LRRC9: variants seen among roughly 807,000 people sequenced by gnomAD.
The protein encoded by LRRC9 is leucine-rich repeat-containing protein 9.
In LRRC9, 122 loss-of-function variants were observed where a neutral mutation model predicts 63.2. The ratio of observed to expected loss-of-function variants is 1.93; its 90% CI spans 1.67 to 2.24. The LOEUF is 2.24. LRRC9 is among the 30% of genes most tolerant of loss of function. The pLI is 0.00. For synonymous variants in LRRC9, 366 were observed against 213.1 expected (o/e 1.72, Z -6.25); for missense variants, 1,071 against 627.7 (o/e 1.71, Z -7.55).
intron 21 of LRRC9, among the ~76,000 whole-genome samples, chr14:60,005,305 T>C (rs1404712436): frequency 6.6e-6 from 1 of 152,088 alleles, no homozygotes; most frequent in African/African-American, 2.4e-5. Context: ...GGCACCTGTG[T>C]CTTGACCTAT....
rs1891678046 is a variant in LRRC9, at chr14:60,027,840, G to T, written c.3704-44G>T. On this transcript the variant is annotated intron_variant, in intron 27 of 31. Coordinates refer to ENST00000445360, the Ensembl canonical transcript of LRRC9. This position sits in a 1 kb window ranked among gnomAD's most constrained non-coding sequence, Gnocchi z 4.0. ...TGTAAGTAGATATCCTTTACTTCAG[G>T]AAGTTTGGGCTCACTTGATATATCA... 1.6e-6 allele frequency: 1 copy of T among 607,406 alleles called. No homozygotes were observed. The highest frequency in any genetic ancestry group is 2.9e-6 in the Non-Finnish European group (1 of 339,012). The allele number at this position is 607,406 out of a possible 1,614,324, so 37.6% of individuals were successfully genotyped here. A position where few individuals can be genotyped will look rare whatever the true frequency, so the allele number is the denominator to read the frequency against.
intron 19 of LRRC9, 32 bp from the exon 20 acceptor site, chr14:60,001,934 C>CT: frequency 1.6e-6 from 1 of 623,580 alleles, no homozygotes; most frequent in Non-Finnish European, 2.9e-6. Context: ...ATACTGTTTC[C>CT]TTTTTTCACT....
At chr14:60,000,045 G>A (rs1889201836) in intron 19 of LRRC9, among the ~76,000 whole-genome samples, 1 of 151,912 alleles carries the variant, frequency 6.6e-6, no homozygotes, top group Non-Finnish European at 1.5e-5. Context: ...ATCAACCTAG[G>A]TGCCCATCAG....
At chr14:60,059,101 C>T (rs1417560981) in intron 31 of LRRC9, 1 of 152,126 alleles carries the variant, frequency 6.6e-6, no homozygotes, top group Non-Finnish European at 1.5e-5. Context: ...TTCTCAGATA[C>T]TAACTTCCTT....
chr14:59,974,642 G>GA lies in LRRC9; in HGVS notation c.1575dup (p.Phe526IlefsTer9). On this transcript the variant is annotated frameshift_variant, in exon 13 of 32. Coordinates refer to ENST00000445360, the Ensembl canonical transcript of LRRC9. LOFTEE classifies it high-confidence loss of function. ...AAGTATAAGTGAGTGTCCCAGAATTGAATTTTTACAGCAAAAGCACAAAGA... is the reference window on the plus strand; with the variant it reads ...AAGTATAAGTGAGTGTCCCAGAATTGAAATTTTTACAGCAAAAGCACAAAGA... 1 of 692,212 alleles carries GA rather than the reference G, an allele frequency of 1.4e-6. No homozygotes were observed. Among genetic ancestry groups the GA allele is most frequent in the South Asian group, 1.5e-5 (1 of 65,886 alleles). The allele number at this position is 692,212 out of a possible 1,614,324, so 42.9% of individuals were successfully genotyped here. A position where few individuals can be genotyped will look rare whatever the true frequency, so the allele number is the denominator to read the frequency against.
At chr14:59,992,529 C>T (rs567744027) in intron 17 of LRRC9, among the ~76,000 whole-genome samples, 30 of 151,942 alleles carry the variant, frequency 2.0e-4, no homozygotes, top group African/African-American at 4.3e-4. Context: ...GGAGGAAGTT[C>T]GAACCAATGG....
chr14:60,026,396 A>G (rs537227645), intron 27 of LRRC9, among the ~76,000 whole-genome samples: 55 of 151,996 alleles, frequency 3.6e-4, no homozygotes, highest in Non-Finnish European at 6.8e-4. Flanking sequence ...GACCATTTGT[A>G]TTTCTTCTTT....
chr14:60,046,548 G>A (rs1893437745), intron 29 of LRRC9, among the ~76,000 whole-genome samples: 5 of 152,098 alleles, frequency 3.3e-5, no homozygotes, highest in Admixed American at 3.3e-4. Flanking sequence ...CCCATTGCTT[G>A]TTTTTGTTGG....
chr14:59,945,479 A>G (rs2139864804), intron 8 of LRRC9, among the ~76,000 whole-genome samples: 1 of 152,126 alleles, frequency 6.6e-6, no homozygotes, highest in East Asian at 1.9e-4. Context: ...AAAGAATTAA[A>G]TGTAAAAATG....
chr14:60,012,761 T>C (rs1595023523), intron 23 of LRRC9, among the ~76,000 whole-genome samples: 1 of 152,142 alleles, frequency 6.6e-6, no homozygotes, highest in African/African-American at 2.4e-5. Context: ...AAGCTATTGT[T>C]CCCAAAGGCT....
chr14:59,990,328 T>C lies in LRRC9; in HGVS notation c.2211+5104T>C, dbSNP rs75445056. Among the ~76,000 whole-genome samples, 513 of 152,244 alleles carry C rather than the reference T, an allele frequency of 3.4e-3. 18 individuals are homozygous for C. In the East Asian group the frequency reaches 0.058, roughly 17 times the overall value. ...GAGAAGGATTCTGTCTTGAAGAGAGTCCTAGTGGAATAGTTTTTAGATTCA... is the reference window on the plus strand; with the variant it reads ...GAGAAGGATTCTGTCTTGAAGAGAGCCCTAGTGGAATAGTTTTTAGATTCA... On this transcript the variant is annotated intron_variant, in intron 17 of 31. Coordinates refer to ENST00000445360, the Ensembl canonical transcript of LRRC9. The surrounding 1 kb of genome is among the most constrained non-coding windows in gnomAD (Gnocchi z 4.2).
rs79388746 is a variant in LRRC9, at chr14:60,053,301, C to A, written c.4131+96C>A. On this transcript the variant is annotated intron_variant, in intron 30 of 31. Transcript: ENST00000445360. This position sits in a 1 kb window ranked among gnomAD's most constrained non-coding sequence, Gnocchi z 4.8. ...TTGATTTAAATGTTTAAACCTATGGCGTTTTTGATAAGGATGATCTTAGTA... is the reference window on the plus strand; with the variant it reads ...TTGATTTAAATGTTTAAACCTATGGAGTTTTTGATAAGGATGATCTTAGTA... 0.011 allele frequency: 6,071 copies of A among 573,486 alleles called. 146 individuals carry two copies. Among genetic ancestry groups the A allele is most frequent in the African/African-American group, 0.073 (3,874 of 52,898 alleles). The allele number at this position is 573,486 out of a possible 1,614,324, so 35.5% of individuals were successfully genotyped here. A position where few individuals can be genotyped will look rare whatever the true frequency, so the allele number is the denominator to read the frequency against.
chr14:59,997,789 T>A lies in LRRC9; in HGVS notation c.2345T>A (p.Leu782Ter). The A allele has an allele frequency of 1.4e-6, 1 of 702,246 alleles. No homozygotes were observed. The highest frequency in any genetic ancestry group is 1.7e-5 in the African/African-American group (1 of 57,340). The allele number at this position is 702,246 out of a possible 1,614,324, so 43.5% of individuals were successfully genotyped here. A position where few individuals can be genotyped will look rare whatever the true frequency, so the allele number is the denominator to read the frequency against. ...AAATCTGGCAATGAAATAAATATGT[T>A]ATGCAAACACACCACAAGCCTTCTC... The change falls in exon 18 of 32, where the codon TTA becomes TAA. Residue 782 changes from leucine to a stop codon, truncating the protein, a stop_gained. Transcript: ENST00000445360. LOFTEE classifies it high-confidence loss of function.
intron 29 of LRRC9, among the ~76,000 whole-genome samples, chr14:60,032,532 T>A (rs1892077058): frequency 6.6e-6 from 1 of 152,188 alleles, no homozygotes; most frequent in Non-Finnish European, 1.5e-5. Flanking sequence ...TGGAATGACA[T>A]TCAATTTATA....
intron 8 of LRRC9, among the ~76,000 whole-genome samples, chr14:59,952,922 T>C (rs934663039): frequency 5.3e-5 from 8 of 152,166 alleles, no homozygotes; most frequent in African/African-American, 1.9e-4. Flanking sequence ...GGTTTTCTGT[T>C]CCTGTGTTAG....
intron 23 of LRRC9, among the ~76,000 whole-genome samples, chr14:60,011,806 TATG>T (rs2140249129): frequency 1.3e-5 from 2 of 152,292 alleles, no homozygotes; most frequent in South Asian, 4.1e-4. Flanking sequence ...CATAACAGAA[TATG>T]AATATAGGAA....
rs757379237 is a variant in LRRC9 at position 60,017,429 on chromosome 14, T to G, written c.3317+639T>G. ...CAAATACCTATAACTCCTCCAAATA[T>G]CATCTCAAGATGTTTCTCCTCCATG... On this transcript the variant is annotated intron_variant, in intron 24 of 31. Coordinates refer to ENST00000445360, the Ensembl canonical transcript of LRRC9. The surrounding 1 kb of genome is among the most constrained non-coding windows in gnomAD (Gnocchi z 4.0). Among the ~76,000 whole-genome samples, 1 of 152,100 alleles carries G rather than the reference T, an allele frequency of 6.6e-6. No homozygotes were observed. Among genetic ancestry groups the G allele is most frequent in the Non-Finnish European group, 1.5e-5 (1 of 68,004 alleles).
intron 6 of LRRC9, among the ~76,000 whole-genome samples, chr14:59,934,843 CT>C: frequency 1.3e-5 from 2 of 152,128 alleles, no homozygotes; most frequent in South Asian, 4.2e-4. Context: ...TAAAAGAGCT[CT>C]TTTAAATCAA....
At chr14:60,022,673 T>G (rs970551388) in intron 26 of LRRC9, 61 bp from the exon 27 acceptor site, 1 of 490,112 alleles carries the variant, frequency 2.0e-6, no homozygotes, top group African/African-American at 2.0e-5. Flanking sequence ...TGAACTGTCT[T>G]TTTATAATAT....
Sources: allele counts gnomAD v4.1 joint callset (sites outside exome capture counted in the v4.1 genomes callset), GRCh38; gene constraint gnomAD v4.1.1; non-coding constraint Gnocchi (gnomAD v3.1); transcripts MANE v1.5; gene names NCBI Gene and HGNC (gene_info 2026-07-23, HGNC 2026-07-21).